Variants in ARL15 observed in about 807,000 individuals in gnomAD.
ARL15 encodes the protein ADP-ribosylation factor-like protein 15.
Under a neutral mutation model 25.2 loss-of-function variants are expected in ARL15, and 19 were observed. The observed-to-expected ratio is 0.75, with a 90% CI of 0.53 to 1.10. The LOEUF is 1.10. Ranked by LOEUF, ARL15 falls within the 50% of genes least tolerant of loss-of-function variation. The pLI is 0.00. For synonymous variants in ARL15, 94 were observed against 86.8 expected, an observed-to-expected ratio of 1.08 and a Z score of -0.46; for missense variants, 220 against 246.0, an observed-to-expected ratio of 0.89 and a Z score of 0.71.
In ARL15 at chr5:54,071,517, C is replaced by A. The variant is rs276156; in HGVS notation, c.462+41685G>T. 6.7e-3 allele frequency among the ~76,000 whole-genome samples: 708 copies of A among 104,946 alleles called. 36 individuals carry two copies. The highest frequency in any genetic ancestry group is 0.03 in the African/African-American group (629 of 20,910). 68.8% of individuals were successfully genotyped at this position (104,946 alleles called of 152,430 possible). A position where few individuals can be genotyped will look rare whatever the true frequency, so the allele number is the denominator to read the frequency against. Reference sequence around the variant, plus strand: ...TCTCTCTTCCACCGCCTTTCCCCCCCCCCCCCCCGCAAAGCCAGACCCAAC... The same window carrying A: ...TCTCTCTTCCACCGCCTTTCCCCCCACCCCCCCCGCAAAGCCAGACCCAAC... On this transcript the variant is annotated intron_variant, in intron 4 of 4. Transcript: ENST00000504924.
intron 1 of ARL15, among the ~76,000 whole-genome samples, chr5:54,174,447 TTC>T (rs1754806978): frequency 6.6e-6 from 1 of 152,210 alleles, no homozygotes; most frequent in East Asian, 1.9e-4. Context: ...TTTTCCTCTG[TTC>T]TCAAGAGGTT....
intron 3 of ARL15, among the ~76,000 whole-genome samples, chr5:54,126,162 T>C (rs1012298437): frequency 5.3e-5 from 8 of 152,178 alleles, no homozygotes; most frequent in Non-Finnish European, 1.0e-4. Context: ...ACATCCTCTT[T>C]GGGAAAGTCT....
In ARL15 at chr5:54,212,746, T is replaced by C. The variant is rs115581252; in HGVS notation, c.49-40818A>G. Reference sequence around the variant, plus strand: ...TGTGAACTAATTAGTCAAATGGAGATTGAGAAAGATTAAGCATGTTTGGTG... The same window carrying C: ...TGTGAACTAATTAGTCAAATGGAGACTGAGAAAGATTAAGCATGTTTGGTG... On this transcript the variant is annotated intron_variant, in intron 1 of 4. Coordinates refer to ENST00000504924, the MANE Select transcript of ARL15 (RefSeq NM_019087.3). Among the ~76,000 whole-genome samples the C allele has an allele frequency of 3.5e-3, 529 of 152,250 alleles. 4 individuals carry two copies. The highest frequency in any genetic ancestry group is 5.0e-3 in the Non-Finnish European group (337 of 68,022).
At chr5:54,263,887 T>C (rs1369291144) in intron 1 of ARL15, among the ~76,000 whole-genome samples, 4 of 152,034 alleles carry the variant, frequency 2.6e-5, no homozygotes, top group Admixed American at 6.6e-5. Flanking sequence ...ACTCCTTCTA[T>C]GTGTCCCCTG....
At chr5:54,282,490 C>G in intron 1 of ARL15, 1 of 985,402 alleles carries the variant, frequency 1.0e-6, no homozygotes, top group Non-Finnish European at 1.2e-6. Context: ...TCTAGGCTAG[C>G]TCAAAGACAG....
At chr5:54,132,151 C>T (rs1753457466) in intron 3 of ARL15, among the ~76,000 whole-genome samples, 1 of 151,788 alleles carries the variant, frequency 6.6e-6, no homozygotes, top group Admixed American at 6.6e-5. Flanking sequence ...TTTAATATGC[C>T]AATATGTACA....
At chr5:54,302,345 T>C (rs1396115615) in intron 1 of ARL15, among the ~76,000 whole-genome samples, 1 of 152,182 alleles carries the variant, frequency 6.6e-6, no homozygotes, top group African/African-American at 2.4e-5. Context: ...CCTCCACTGG[T>C]TATGCAATTC....
At chr5:54,029,067 A>C (rs1464826836) in intron 4 of ARL15, among the ~76,000 whole-genome samples, 1 of 151,762 alleles carries the variant, frequency 6.6e-6, no homozygotes, top group Non-Finnish European at 1.5e-5. Flanking sequence ...GGTGTAATTG[A>C]GAAGGCTGCA....
intron 2 of ARL15, among the ~76,000 whole-genome samples, chr5:54,163,355 GCTTTTTTTTT>G (rs1266298513): frequency 0.04 from 2,050 of 51,226 alleles, 293 homozygotes; most frequent in East Asian, 0.17. Context: ...TTGGTATGAA[GCTTTTTTTTT>G]TTTTTTTTTT....
intron 4 of ARL15, among the ~76,000 whole-genome samples, chr5:53,924,185 TGA>T (rs1580084829): frequency 1.3e-5 from 2 of 152,232 alleles, no homozygotes; most frequent in East Asian, 1.9e-4. Flanking sequence ...AGGAGCAGAC[TGA>T]GAGCTTTAGC....
At chr5:53,965,886 C>T (rs372499002) in intron 4 of ARL15, among the ~76,000 whole-genome samples, 17 of 152,276 alleles carry the variant, frequency 1.1e-4, no homozygotes, top group African/African-American at 3.9e-4. Context: ...ATTACTATTA[C>T]TATTGTGGGA....
chr5:54,125,079 TG>T lies in ARL15; in HGVS notation c.254-11670del, dbSNP rs1386846663. ...GGTAAGCAAGTTTTTTGTTTTGTTT[TG>T]TTTTGTTTTTTTTTTTTTTGAGACA... On this transcript the variant is annotated intron_variant, in intron 3 of 4. Coordinates refer to ENST00000504924, the MANE Select transcript of ARL15 (RefSeq NM_019087.3). Among the ~76,000 whole-genome samples the T allele has an allele frequency of 1.1e-3, 171 of 149,318 alleles. 3 individuals carry two copies. Among genetic ancestry groups the T allele is most frequent in the African/African-American group, 2.3e-3 (91 of 40,242 alleles).
chr5:54,038,826 T>A (rs1750247973), intron 4 of ARL15, among the ~76,000 whole-genome samples: 1 of 152,178 alleles, frequency 6.6e-6, no homozygotes, highest in African/African-American at 2.4e-5. Context: ...CATATATTCA[T>A]ACCCCATTTC....
At chr5:54,100,564 C>G (rs1054613571) in intron 4 of ARL15, among the ~76,000 whole-genome samples, 3 of 152,084 alleles carry the variant, frequency 2.0e-5, no homozygotes, top group Non-Finnish European at 2.9e-5. Context: ...CATGGTTCCT[C>G]TAAGTCCTCT....
intron 3 of ARL15, among the ~76,000 whole-genome samples, chr5:54,128,706 CTTT>C (rs34430326): frequency 1.5e-5 from 2 of 130,250 alleles, no homozygotes; most frequent in Admixed American, 8.2e-5. Flanking sequence ...TATTTTGATT[CTTT>C]TTTTTTTTTT....
intron 1 of ARL15, among the ~76,000 whole-genome samples, chr5:54,215,590 C>T (rs1323075167): frequency 7.4e-6 from 1 of 135,068 alleles, no homozygotes; most frequent in African/African-American, 2.7e-5. Flanking sequence ...AAACCCCAGA[C>T]TTAGTGCGAC....
intron 4 of ARL15, among the ~76,000 whole-genome samples, chr5:53,987,479 T>G (rs1326024192): frequency 1.3e-5 from 2 of 151,750 alleles, no homozygotes. Flanking sequence ...CTTTCACTTT[T>G]TTTTTTTTTT....
At chr5:53,968,626 T>C (rs1747640928) in intron 4 of ARL15, among the ~76,000 whole-genome samples, 2 of 152,076 alleles carry the variant, frequency 1.3e-5, no homozygotes, top group Admixed American at 1.3e-4. Flanking sequence ...AGGACTGCAG[T>C]CTTCGGACGG....
intron 4 of ARL15, among the ~76,000 whole-genome samples, chr5:53,892,662 G>A (rs2111903328): frequency 6.6e-6 from 1 of 151,606 alleles, no homozygotes; most frequent in South Asian, 2.1e-4. Context: ...GAGTGCTGTG[G>A]CACAATCATA....
Sources: gnomAD v4.1 joint callset for allele counts (sites outside exome capture counted in the v4.1 genomes callset) on GRCh38, gnomAD v4.1.1 for gene constraint, MANE v1.5 for transcripts, NCBI Gene and HGNC (gene_info 2026-07-23, HGNC 2026-07-21) for gene names.